Variants in LRRC37A2 observed in about 807,000 individuals in gnomAD.
The protein encoded by LRRC37A2 is leucine rich repeat containing 37 member A2, also known as leucine-rich repeat-containing protein 37A2.
A neutral mutation model predicts 68.8 loss-of-function variants in LRRC37A2; 9 were observed. The ratio of observed to expected loss-of-function variants is 0.13; its 90% CI spans 0.08 to 0.23. The LOEUF (loss-of-function observed/expected upper bound fraction) is 0.23. Ranked by LOEUF, LRRC37A2 falls within the 10% of genes least tolerant of loss-of-function variation. The pLI is 1.00. For synonymous variants in LRRC37A2, 63 were observed against 367.6 expected, an observed-to-expected ratio of 0.17 and a Z score of 9.48; for missense variants, 168 against 950.4, an observed-to-expected ratio of 0.18 and a Z score of 10.82.
the LRRC37A2 span, among the ~76,000 whole-genome samples, chr17:46,737,479 T>A: frequency 6.6e-6 from 1 of 152,136 alleles, no homozygotes; most frequent in Non-Finnish European, 1.5e-5. Context: ...TTTTAGCTCA[T>A]ACGAGGTGCT....
chr17:46,913,643 AG>A, the LRRC37A2 span, among the ~76,000 whole-genome samples: 1 of 152,246 alleles, frequency 6.6e-6, no homozygotes, highest in Non-Finnish European at 1.5e-5. Flanking sequence ...GACCAGGATG[AG>A]GCCAGTACCG....
chr17:46,837,112 T>C, the LRRC37A2 span, among the ~76,000 whole-genome samples: 1 of 152,034 alleles, frequency 6.6e-6, no homozygotes, highest in East Asian at 1.9e-4. Context: ...TAGGCTAATT[T>C]TTGTATTTTT....
At chr17:46,978,342 A>G in the LRRC37A2 span, 1 of 391,750 alleles carries the variant, frequency 2.6e-6, no homozygotes, top group East Asian at 4.8e-5. Context: ...CCCAAATTGC[A>G]TCTCCATACC....
chr17:46,598,230 TCCAATGAAGC>T, the LRRC37A2 span, among the ~76,000 whole-genome samples: 1 of 106,418 alleles, frequency 9.4e-6, no homozygotes, highest in Non-Finnish European at 1.9e-5. Context: ...TGAAGTTTTT[TCCAATGAAGC>T]ACCGTATATA....
At chr17:46,761,535 A>T in the LRRC37A2 span, among the ~76,000 whole-genome samples, 1 of 151,718 alleles carries the variant, frequency 6.6e-6, no homozygotes, top group Non-Finnish European at 1.5e-5. Context: ...GGCTTTCACC[A>T]TGTTGGCCAA....
the LRRC37A2 span, among the ~76,000 whole-genome samples, chr17:46,909,147 G>GCCTCCAA: frequency 5.9e-5 from 9 of 152,130 alleles, no homozygotes; most frequent in Non-Finnish European, 1.2e-4. Context: ...CAACTCCCGG[G>GCCTCCAA]CTCCCAAGTA....
At chr17:46,900,928 TG>T in the LRRC37A2 span, among the ~76,000 whole-genome samples, 1 of 151,920 alleles carries the variant, frequency 6.6e-6, no homozygotes, top group East Asian at 1.9e-4. Context: ...TACATTCTAG[TG>T]GGGAGGGGAG....
the LRRC37A2 span, chr17:46,872,800 A>AGGGGTT: frequency 1.1e-6 from 1 of 891,928 alleles, no homozygotes; most frequent in Non-Finnish European, 1.7e-6. Context: ...GGGGACGGGG[A>AGGGGTT]GGGCTGGGGG....
chr17:46,980,104 C>T, the LRRC37A2 span, among the ~76,000 whole-genome samples: 1 of 151,024 alleles, frequency 6.6e-6, no homozygotes, highest in African/African-American at 2.4e-5. Context: ...TTCCACCTCC[C>T]GCCCCCAACC....
At chr17:46,837,172 A>G in the LRRC37A2 span, among the ~76,000 whole-genome samples, 1 of 151,966 alleles carries the variant, frequency 6.6e-6, no homozygotes, top group Non-Finnish European at 1.5e-5. Context: ...TGATCTCTTG[A>G]CCTCGTGATC....
chr17:46,724,575 G>C, the LRRC37A2 span, among the ~76,000 whole-genome samples: 2 of 152,136 alleles, frequency 1.3e-5, no homozygotes, highest in Non-Finnish European at 1.5e-5. Context: ...AGGCACTGGG[G>C]AAATACTGCC....
chr17:47,022,820 T>C, the LRRC37A2 span, among the ~76,000 whole-genome samples: 201 of 152,340 alleles, frequency 1.3e-3, 3 homozygotes, highest in East Asian at 0.031. Flanking sequence ...AATTCCCCCA[T>C]TGATGAATGT....
the LRRC37A2 span, among the ~76,000 whole-genome samples, chr17:46,852,119 C>A: frequency 1.3e-5 from 2 of 152,230 alleles, no homozygotes; most frequent in African/African-American, 2.4e-5. Flanking sequence ...TGGCCTCCGG[C>A]GAGCCGTCCT....
chr17:46,771,384 G>A, the LRRC37A2 span, among the ~76,000 whole-genome samples: 2 of 151,698 alleles, frequency 1.3e-5, no homozygotes, highest in African/African-American at 2.4e-5. Flanking sequence ...GAGGGGCCGA[G>A]GGCGGGTTCA....
chr17:46,843,164 C>T, the LRRC37A2 span, among the ~76,000 whole-genome samples: 6 of 152,330 alleles, frequency 3.9e-5, no homozygotes, highest in Admixed American at 1.3e-4. Context: ...ATATTAATAT[C>T]GGAGCTGGGG....
chr17:46,923,846 C>T, the LRRC37A2 span: 1 of 398,666 alleles, frequency 2.5e-6, no homozygotes, highest in South Asian at 1.3e-4. Flanking sequence ...CCTGCACTTT[C>T]GGAATTGCTG....
chr17:46,417,183 AGT>A, the LRRC37A2 span, among the ~76,000 whole-genome samples: 1 of 82,236 alleles, frequency 1.2e-5, no homozygotes, highest in African/African-American at 4.0e-5. Context: ...CAGAATTTAG[AGT>A]GTGAAACGAC....
the LRRC37A2 span, among the ~76,000 whole-genome samples, chr17:46,748,944 T>G: frequency 6.6e-6 from 1 of 152,136 alleles, no homozygotes; most frequent in African/African-American, 2.4e-5. Flanking sequence ...AATATAGATT[T>G]AACTAAAGAC....
chr17:46,939,168 G>A, the LRRC37A2 span: 1 of 1,095,712 alleles, frequency 9.1e-7, no homozygotes, highest in South Asian at 2.6e-5. Flanking sequence ...CTGATAGGGT[G>A]GAGCAAAAGT....
Sources: gnomAD v4.1 joint callset for allele counts (sites outside exome capture counted in the v4.1 genomes callset) on GRCh38, gnomAD v4.1.1 for gene constraint, MANE v1.5 for transcripts, NCBI Gene and HGNC (gene_info 2026-07-23, HGNC 2026-07-21) for gene names.